Variants in GBF1 observed in about 807,000 individuals in gnomAD.
GBF1 encodes the protein Golgi-specific brefeldin A-resistance guanine nucleotide exchange factor 1.
In GBF1, 114 loss-of-function variants were observed where a neutral mutation model predicts 210.5. The ratio of observed to expected loss-of-function variants is 0.54; its 90% confidence interval spans 0.47 to 0.63. GBF1 has a LOEUF of 0.63. GBF1 is among the 30% of genes least tolerant of loss of function. The pLI, the probability that GBF1 is intolerant of heterozygous loss-of-function variation, is 0.00. For synonymous variants in GBF1, 850 were observed against 889.2 expected (o/e 0.96, Z 0.78); for missense variants, 1,851 against 2,357.7 (o/e 0.79, Z 4.45).
chr10:102,234,232 T>C, the GBF1 span, among the ~76,000 whole-genome samples: 1 of 152,158 alleles, frequency 6.6e-6, no homozygotes, highest in East Asian at 1.9e-4. Context: ...TAATGCCCCC[T>C]TCAACAGCTC....
chr10:102,241,554 G>C (rs1221146090), upstream of GBF1: 1 of 152,366 alleles, frequency 6.6e-6, no homozygotes, highest in African/African-American at 2.4e-5. The surrounding 1 kb of genome is among the most constrained non-coding windows in gnomAD (Gnocchi z 6.7). Context: ...AGACCAGGGC[G>C]CCCCCAGCCC....
intron 3 of GBF1, among the ~76,000 whole-genome samples, chr10:102,295,469 A>C: frequency 6.6e-6 from 1 of 152,206 alleles, no homozygotes; most frequent in East Asian, 1.9e-4. Context: ...CACTAACTAA[A>C]ATTTTTATAT....
chr10:102,243,684 G>C (rs1328196793), upstream of GBF1, among the ~76,000 whole-genome samples: 1 of 152,184 alleles, frequency 6.6e-6, no homozygotes, highest in Non-Finnish European at 1.5e-5. Flanking sequence ...AATGTGGAAA[G>C]AGGTGCTATG....
upstream of GBF1, among the ~76,000 whole-genome samples, chr10:102,240,904 C>A (rs1419936567): frequency 6.6e-6 from 1 of 152,172 alleles, no homozygotes; most frequent in Non-Finnish European, 1.5e-5. Flanking sequence ...GAGCCTAGGC[C>A]GAGGGGCATC....
intron 1 of GBF1, among the ~76,000 whole-genome samples, chr10:102,255,684 A>G (rs1386182591): frequency 2.0e-5 from 3 of 152,200 alleles, no homozygotes; most frequent in East Asian, 3.8e-4. Flanking sequence ...ATACCAGGAA[A>G]GATTTAATCT....
Position 102,376,268 on chromosome 10 carries a change from A to C in GBF1, c.3887-4A>C. ...GACTCTGCCCTTCTCCCTGCCTACC[A>C]TAGGGGCCCAGTCAGATAGTGAGCT... On this transcript the variant is annotated splice_polypyrimidine_tract_variant and splice_region_variant and intron_variant, in intron 30 of 39. Coordinates refer to ENST00000369983, the MANE Select transcript of GBF1 (RefSeq NM_001377137.1). 2 of 1,612,750 alleles carry C rather than the reference A, an allele frequency of 1.2e-6. No homozygotes were observed. Among genetic ancestry groups the C allele is most frequent in the Non-Finnish European group, 1.7e-6 (2 of 1,178,944 alleles).
chr10:102,302,583 CTT>C (rs1454239548), intron 3 of GBF1, among the ~76,000 whole-genome samples: 3 of 152,144 alleles, frequency 2.0e-5, no homozygotes, highest in African/African-American at 7.2e-5. Flanking sequence ...TATTTAATGA[CTT>C]TTCTGAAGAA....
intron 26 of GBF1, 35 bp from the exon 27 acceptor site, chr10:102,370,139 T>C (rs1223498368): frequency 6.4e-7 from 1 of 1,562,364 alleles, no homozygotes; most frequent in Non-Finnish European, 8.8e-7. Flanking sequence ...CTTCAGCCTT[T>C]GTCAAAGACC....
chr10:102,277,086 G>A (rs1005539776), intron 3 of GBF1, among the ~76,000 whole-genome samples: 4 of 152,022 alleles, frequency 2.6e-5, no homozygotes, highest in African/African-American at 9.7e-5. Flanking sequence ...CAGCACTTTG[G>A]AAGGCCAAGA....
chr10:102,375,567 C>A lies in GBF1; in HGVS notation c.3869C>A (p.Ala1290Glu), dbSNP rs1565182111. ...PPAALQATAR[A>E]DAPDAGAQSD... ...GCTGCTCTGCAGGCCACAGCCAGGG[C>A]AGATGCACCTGATGCCGGTAAGCCC... The change falls in exon 30 of 40, where the codon GCA becomes GAA. Residue 1290 changes from alanine to glutamate, a missense_variant. By Grantham distance (107) the Ala-to-Glu change is moderately radical (BLOSUM62 -1). This residue lies in a region of GBF1 where 967 missense variants were observed against 1,247.7 expected (regional missense o/e 0.78). Coordinates refer to ENST00000369983, the MANE Select transcript of GBF1 (RefSeq NM_001377137.1). The A allele has an allele frequency of 6.2e-7, 1 of 1,610,224 alleles. No individual in the cohort carries two copies. Among genetic ancestry groups the A allele is most frequent in the Admixed American group, 1.7e-5 (1 of 60,030 alleles).
chr10:102,251,232 G>T (rs943394657), intron 1 of GBF1, among the ~76,000 whole-genome samples: 2 of 152,158 alleles, frequency 1.3e-5, no homozygotes, highest in African/African-American at 2.4e-5. Flanking sequence ...TACCTGTATG[G>T]AAGGTTTGTA....
At chr10:102,381,544 C>T (rs1223317335) in intron 39 of GBF1, among the ~76,000 whole-genome samples, 2 of 152,058 alleles carry the variant, frequency 1.3e-5, no homozygotes, top group Non-Finnish European at 2.9e-5. Context: ...ACCTGGCGGC[C>T]AGGCGCAGTG....
chr10:102,273,753 T>G (rs956928949), intron 3 of GBF1, among the ~76,000 whole-genome samples: 3 of 152,270 alleles, frequency 2.0e-5, no homozygotes, highest in Non-Finnish European at 4.4e-5. Flanking sequence ...TGTTTCTGGA[T>G]GAATCAGCTT....
intron 3 of GBF1, among the ~76,000 whole-genome samples, chr10:102,330,210 T>C (rs2057233034): frequency 6.6e-6 from 1 of 152,162 alleles, no homozygotes; most frequent in African/African-American, 2.4e-5. Context: ...ACAGTGGCTT[T>C]GGAGTCACAA....
intron 8 of GBF1, among the ~76,000 whole-genome samples, chr10:102,354,120 G>C (rs2059157623): frequency 1.3e-5 from 2 of 152,318 alleles, no homozygotes; most frequent in South Asian, 4.2e-4. Context: ...ACTGCTAGGA[G>C]AAGAATAGTG....
rs188252372 is a variant in GBF1 at position 102,346,893 on chromosome 10, T to C, written c.295+2711T>C. On this transcript the variant is annotated intron_variant, in intron 4 of 39. Coordinates refer to ENST00000369983, the MANE Select transcript of GBF1 (RefSeq NM_001377137.1). ...TTAATTGAGTTGGGTTTGTTTTTCATGTCAATTTGTAGGAGTTCTTTGTAT... is the reference window on the plus strand; with the variant it reads ...TTAATTGAGTTGGGTTTGTTTTTCACGTCAATTTGTAGGAGTTCTTTGTAT... 2.0e-5 allele frequency among the ~76,000 whole-genome samples: 3 copies of C among 152,364 alleles called. No individual in the cohort carries two copies. The East Asian group carries it at 5.8e-4, about 29-fold the overall frequency.
chr10:102,370,573 C>A, intron 28 of GBF1, 95 bp downstream of exon 28: 2 of 1,298,462 alleles, frequency 1.5e-6, no homozygotes, highest in Non-Finnish European at 2.2e-6. Flanking sequence ...GAACTGTAGG[C>A]AGCAGGGGAG....
chr10:102,306,485 G>A (rs1461397279), intron 3 of GBF1, among the ~76,000 whole-genome samples: 4 of 152,172 alleles, frequency 2.6e-5, no homozygotes, highest in Admixed American at 6.5e-5. Flanking sequence ...GTGCAATGGC[G>A]CAATCTTGGA....
At chr10:102,243,083 C>G (rs1489317323), upstream of GBF1, among the ~76,000 whole-genome samples, 1 of 152,130 alleles carries the variant, frequency 6.6e-6, no homozygotes, top group Non-Finnish European at 1.5e-5. Flanking sequence ...AGGACCTGAC[C>G]TTGTCTTCAT....
Sources: allele counts gnomAD v4.1 joint callset (sites outside exome capture counted in the v4.1 genomes callset), GRCh38; gene constraint gnomAD v4.1.1; regional missense constraint gnomAD v4.1.1; non-coding constraint Gnocchi (gnomAD v3.1); transcripts MANE v1.5; gene names NCBI Gene and HGNC (gene_info 2026-07-23, HGNC 2026-07-21).